Variants in PTBP2 observed in about 807,000 individuals in gnomAD.
PTBP2 encodes the protein polypyrimidine tract binding protein 2, also known as polypyrimidine tract-binding protein 2.
Under a neutral mutation model 61.4 loss-of-function variants are expected in PTBP2, and 13 were observed. The observed-to-expected ratio is 0.21, with a 90% CI of 0.14 to 0.34. The LOEUF is 0.34. PTBP2 is among the 10% of genes least tolerant of loss of function. The probability of loss-of-function intolerance (pLI) is 1.00; values close to 1 mark genes in which losing one functional copy is unlikely to be tolerated. For missense variants in PTBP2, 405 were observed against 642.6 expected, an observed-to-expected ratio of 0.63 and a Z score of 4.00; for synonymous variants, 215 against 218.5, an observed-to-expected ratio of 0.98 and a Z score of 0.14.
chr1:96,775,198 A>C (rs72976435), intron 5 of PTBP2, among the ~76,000 whole-genome samples: 6,846 of 152,296 alleles, frequency 0.045, 482 homozygotes, highest in African/African-American at 0.15. Flanking sequence ...GATAGGTAAT[A>C]AAATACTGGT....
intron 8 of PTBP2, among the ~76,000 whole-genome samples, chr1:96,791,826 C>CTTTTTTTTGGTTTTTTTTTTT (rs1482989030): frequency 1.5e-5 from 1 of 66,128 alleles, no homozygotes; most frequent in Admixed American, 1.7e-4. Flanking sequence ...TGGAGTTGTG[C>CTTTTTTTTGGTTTTTTTTTTT]TTTTTTTTTT....
chr1:96,795,681 A>G (rs992250913), intron 8 of PTBP2, among the ~76,000 whole-genome samples: 1 of 152,238 alleles, frequency 6.6e-6, no homozygotes, highest in African/African-American at 2.4e-5. Context: ...ATATAAATCA[A>G]ATTACAAGGA....
At chr1:96,818,143 G>A (rs1008506249), downstream of PTBP2, 4 of 152,036 alleles carry the variant, frequency 2.6e-5, no homozygotes, top group South Asian at 4.1e-4. Context: ...CACTTCTCTC[G>A]CTTTTCTTCC....
downstream of PTBP2, chr1:96,819,504 T>C (rs1662604927): frequency 6.6e-6 from 1 of 152,038 alleles, no homozygotes; most frequent in Admixed American, 6.6e-5. Context: ...TCTGTTTTTC[T>C]TCCATCATTC....
chr1:96,723,720 T>G, intron 2 of PTBP2, 126 bp downstream of exon 2: 1 of 815,302 alleles, frequency 1.2e-6, no homozygotes, highest in Non-Finnish European at 1.9e-6. Context: ...ATGTTTCCTT[T>G]CATTTGTAAA....
intron 4 of PTBP2, among the ~76,000 whole-genome samples, chr1:96,770,293 A>T (rs1216407041): frequency 6.6e-6 from 1 of 152,026 alleles, no homozygotes; most frequent in Non-Finnish European, 1.5e-5. Flanking sequence ...ACTCCCTTTT[A>T]TATACTTGAG....
At chr1:96,736,897 C>T (rs1652271148) in intron 2 of PTBP2, among the ~76,000 whole-genome samples, 1 of 151,798 alleles carries the variant, frequency 6.6e-6, no homozygotes, top group Non-Finnish European at 1.5e-5. Context: ...TTAGGCTGGT[C>T]TCAAACTCCT....
At chr1:96,791,008 A>G (rs1346026523) in intron 8 of PTBP2, among the ~76,000 whole-genome samples, 1 of 81,112 alleles carries the variant, frequency 1.2e-5, no homozygotes, top group Non-Finnish European at 2.4e-5. Flanking sequence ...TCTCGTATAC[A>G]TAATTGTGAA....
intron 3 of PTBP2, among the ~76,000 whole-genome samples, chr1:96,762,684 C>A (rs1656108664): frequency 6.6e-6 from 1 of 150,656 alleles, no homozygotes; most frequent in Admixed American, 6.6e-5. Context: ...ACCCCCCCAC[C>A]TCCCTCCTGG....
rs532326137 is a variant in PTBP2 at position 96,745,231 on chromosome 1, C to T, written c.40-6194C>T. On this transcript the variant is annotated intron_variant, in intron 2 of 13. Transcript: ENST00000674951. ...ACGCTGGAGTGCAGTGGTGTCATCT[C>T]GGCTCACAGCAAGCTTCGCCTCCCT... Among the ~76,000 whole-genome samples the T allele has an allele frequency of 6.6e-5, 10 of 151,624 alleles. No individual in the cohort carries two copies. The East Asian group carries it at 7.8e-4, about 12-fold the overall frequency.
chr1:96,741,237 GGTTT>G lies in PTBP2; in HGVS notation c.40-10179_40-10176del, dbSNP rs957819684. Among the ~76,000 whole-genome samples the G allele has an allele frequency of 1.5e-4, 23 of 149,028 alleles. No individual in the cohort carries two copies. The East Asian group carries it at 3.1e-3, about 20-fold the overall frequency. ...GACTAATTGTTTTGTTATTTTTTTTGGTTTGTTTGTTTTGTTTTGTTTCATTTTT... is the reference window on the plus strand; with the variant it reads ...GACTAATTGTTTTGTTATTTTTTTTGGTTTGTTTTGTTTTGTTTCATTTTT... On this transcript the variant is annotated intron_variant, in intron 2 of 13. Transcript: ENST00000674951.
At chr1:96,725,820 C>T (rs919472780) in intron 2 of PTBP2, among the ~76,000 whole-genome samples, 10 of 151,766 alleles carry the variant, frequency 6.6e-5, no homozygotes, top group African/African-American at 2.4e-4. Flanking sequence ...TGGGTCACAC[C>T]TGTAATCCCA....
intron 3 of PTBP2, among the ~76,000 whole-genome samples, chr1:96,758,385 A>G (rs1655399665): frequency 6.6e-6 from 1 of 152,068 alleles, no homozygotes; most frequent in Non-Finnish European, 1.5e-5. Context: ...AGGAGGGAAT[A>G]CTACCCTGTT....
intron 8 of PTBP2, among the ~76,000 whole-genome samples, chr1:96,803,096 A>AAG (rs1423781254): frequency 6.6e-6 from 1 of 152,174 alleles, no homozygotes; most frequent in Non-Finnish European, 1.5e-5. Flanking sequence ...GAGGTATAGT[A>AAG]TTTAACATGG....
chr1:96,798,789 A>G (rs942307944), intron 8 of PTBP2, among the ~76,000 whole-genome samples: 3 of 152,244 alleles, frequency 2.0e-5, no homozygotes, highest in Non-Finnish European at 2.9e-5. Context: ...ATACTAATGT[A>G]TGATGCTAAT....
At chr1:96,742,181 G>T (rs1218343870) in intron 2 of PTBP2, among the ~76,000 whole-genome samples, 2 of 152,000 alleles carry the variant, frequency 1.3e-5, no homozygotes, top group Non-Finnish European at 1.5e-5. Context: ...AATTTTTTTT[G>T]AGCTGAAAGG....
At chr1:96,799,950 C>T (rs370674089) in intron 8 of PTBP2, among the ~76,000 whole-genome samples, 7 of 152,092 alleles carry the variant, frequency 4.6e-5, no homozygotes, top group African/African-American at 1.2e-4. Flanking sequence ...TTTAAAAGTC[C>T]AGGAAAATCT....
At chr1:96,760,543 TCA>T (rs1655704990) in intron 3 of PTBP2, among the ~76,000 whole-genome samples, 1 of 150,168 alleles carries the variant, frequency 6.7e-6, no homozygotes, top group Non-Finnish European at 1.5e-5. Flanking sequence ...CCTCCTGGGT[TCA>T]AGCGATTCTC....
chr1:96,788,345 A>G (rs1458469001), intron 8 of PTBP2, among the ~76,000 whole-genome samples: 1 of 152,108 alleles, frequency 6.6e-6, no homozygotes. Context: ...AATTGATCTC[A>G]ATCCCAAAGT....
Sources: allele counts gnomAD v4.1 joint callset (sites outside exome capture counted in the v4.1 genomes callset), GRCh38; gene constraint gnomAD v4.1.1; transcripts MANE v1.5; gene names NCBI Gene and HGNC (gene_info 2026-07-23, HGNC 2026-07-21).